Variants in LMOD2 observed in about 807,000 individuals in gnomAD.
The protein encoded by LMOD2 is leiomodin 2, also known as leiomodin-2.
In LMOD2, 27 loss-of-function variants were observed where a neutral mutation model predicts 41.7. That is an observed-to-expected ratio of 0.65 (90% CI 0.48 to 0.89). LMOD2 has a LOEUF of 0.89. Among genes scored for constraint, LMOD2 ranks in the 40% least tolerant of loss-of-function variants. LMOD2 has a pLI of 0.00. For synonymous variants in LMOD2, 251 were observed against 244.6 expected, an observed-to-expected ratio of 1.03 and a Z score of -0.25; for missense variants, 624 against 667.9, an observed-to-expected ratio of 0.93 and a Z score of 0.72.
chr7:123,656,340 T>G, intron 1 of LMOD2, 104 bp downstream of exon 1: 2 of 1,261,276 alleles, frequency 1.6e-6, no homozygotes, highest in Non-Finnish European at 2.2e-6. Context: ...TCACTTGAAT[T>G]TTCCTATAAC....
At position 123,656,179 on chromosome 7, in the gene LMOD2, T is replaced by C; in HGVS notation, c.216T>C (p.Tyr72=). The C allele has an allele frequency of 3.1e-6, 5 of 1,610,154 alleles. No homozygotes were observed. The South Asian group carries it at 5.6e-5, about 18-fold the overall frequency. ...TCAGCAGAGAGGCACTGATGGCCTA[T>C]TGGGAAAAGGAGTCCCAAAAACTCT... is the stretch of plus-strand genomic sequence containing the variant. The part of the protein sequence containing the change: ...GTFSREALMA[Y]WEKESQKLLE... Residue 72 remains tyrosine, a synonymous_variant, in exon 1 of 3, where the codon TAT becomes TAC. Transcript: ENST00000458573.
At chr7:123,659,874 T>C (rs879835010) in intron 1 of LMOD2, among the ~76,000 whole-genome samples, 3 of 152,180 alleles carry the variant, frequency 2.0e-5, no homozygotes, top group Non-Finnish European at 4.4e-5. Flanking sequence ...TCAGATATTA[T>C]CTGTCCAGGT....
At position 123,662,725 on chromosome 7, in the gene LMOD2, G is replaced by A; in HGVS notation, c.1139G>A (p.Trp380Ter). 6.2e-7 allele frequency: 1 copy of A among 1,613,952 alleles called. No homozygotes were observed. The highest frequency in any genetic ancestry group is 1.7e-5 in the Admixed American group (1 of 60,018). Residue 380 changes from tryptophan (W) to a stop codon, truncating the protein, a stop_gained, in exon 2 of 3, where the codon TGG becomes TAG. Transcript: ENST00000458573. LOFTEE classifies it high-confidence loss of function. This position sits in a 1 kb window ranked among gnomAD's most constrained non-coding sequence, Gnocchi z 4.0. ...GGACCCAATCTTAGGACCAAAGTCT[G>A]GCAAAGAGGAACACCTAGCTCTTCA... ...DGGPNLRTKVWQRGTPSSSPY... is the reference protein window; with the variant it reads ...DGGPNLRTKV
chr7:123,663,614 C>T, intron 2 of LMOD2, 105 bp from the exon 3 acceptor site: 1 of 913,186 alleles, frequency 1.1e-6, no homozygotes, highest in Non-Finnish European at 1.7e-6. Context: ...CAGCAATAAT[C>T]AACCTGAGTT....
chr7:123,656,358 T>A (rs1264499512), intron 1 of LMOD2, 122 bp downstream of exon 1: 1 of 990,614 alleles, frequency 1.0e-6, no homozygotes, highest in African/African-American at 1.6e-5. Context: ...AACCCATTTA[T>A]ACTTGCTACT....
intron 1 of LMOD2, among the ~76,000 whole-genome samples, chr7:123,656,868 T>A (rs571457780): frequency 6.6e-6 from 1 of 152,232 alleles, no homozygotes; most frequent in South Asian, 2.1e-4. Flanking sequence ...AGAGACAGTG[T>A]TTCTTTTGCG....
rs773198311 is a variant in LMOD2, at chr7:123,662,555, G to GGA, written c.972_973dup (p.Asn325ArgfsTer6). 119 of 1,613,708 alleles carry GGA rather than the reference G, an allele frequency of 7.4e-5. No individual in the cohort carries two copies. Among genetic ancestry groups the GGA allele is most frequent in the Non-Finnish European group, 8.8e-5 (104 of 1,179,860 alleles). ...AAATGGAGATTGTCAAGCTGCTGAA[G>GGA]GAGAACACGACGCTGCTGAGGCTGG... On this transcript the variant is annotated frameshift_variant, in exon 2 of 3. Transcript: ENST00000458573. LOFTEE classifies it high-confidence loss of function. The surrounding 1 kb of genome is among the most constrained non-coding windows in gnomAD (Gnocchi z 4.0).
chr7:123,658,089 A>G (rs1802818214), intron 1 of LMOD2, among the ~76,000 whole-genome samples: 1 of 152,014 alleles, frequency 6.6e-6, no homozygotes, highest in Admixed American at 6.6e-5. Context: ...TAATGTCACA[A>G]TGACATGATA....
chr7:123,656,115 G>T lies in LMOD2; in HGVS notation c.152G>T (p.Arg51Met). The change falls in exon 1 of 3, where the codon AGG becomes ATG. Residue 51 changes from arginine to methionine, a missense_variant. Arg to Met is a moderately conservative substitution (Grantham distance 91). Transcript: ENST00000458573. The part of the protein sequence containing the change: ...EPDRNLPVGL[R>M]QKSLTEKTPT... The stretch of plus-strand genomic sequence containing the variant: ...GACCGCAACCTTCCCGTGGGGCTAA[G>T]GCAAAAGAGCCTGACAGAGAAAACC... The T allele has an allele frequency of 6.2e-7, 1 of 1,611,090 alleles. No individual in the cohort carries two copies. The highest frequency in any genetic ancestry group is 2.2e-5 in the East Asian group (1 of 44,752).
chr7:123,659,660 G>C (rs1802842919), intron 1 of LMOD2, among the ~76,000 whole-genome samples: 1 of 152,184 alleles, frequency 6.6e-6, no homozygotes, highest in South Asian at 2.1e-4. Flanking sequence ...CACTGTGCTA[G>C]GTGAGCAAAG....
intron 1 of LMOD2, among the ~76,000 whole-genome samples, chr7:123,659,626 A>G (rs764100067): frequency 6.6e-6 from 1 of 152,178 alleles, no homozygotes; most frequent in Non-Finnish European, 1.5e-5. Context: ...GCAAATAATT[A>G]TTGAGCTCCT....
chr7:123,663,444 T>C, intron 2 of LMOD2: 2 of 607,038 alleles, frequency 3.3e-6, no homozygotes, highest in Non-Finnish European at 5.7e-6. Context: ...GCAAGGACCA[T>C]TTTCATACAC....
intron 1 of LMOD2, 67 bp from the exon 2 acceptor site, chr7:123,661,793 A>T: frequency 9.3e-7 from 1 of 1,076,500 alleles, no homozygotes; most frequent in Non-Finnish European, 1.3e-6. Context: ...TACTTTTGCA[A>T]GTTAAAAAAT....
At position 123,662,053 on chromosome 7, in the gene LMOD2, T is replaced by C. The variant is rs1802884182; in HGVS notation, c.467T>C (p.Val156Ala). ...GINGTVNYDS[V>A]NSDNSKPKIF... ...AATGGAACTGTAAATTATGATAGTGTCAATTCTGACAACTCTAAGCCAAAG... is the reference window on the plus strand; with the variant it reads ...AATGGAACTGTAAATTATGATAGTGCCAATTCTGACAACTCTAAGCCAAAG... Residue 156 changes from valine (V) to alanine (A), a missense_variant, in exon 2 of 3, where the codon GTC (valine) becomes GCC (alanine). Val to Ala is a moderately conservative substitution (Grantham distance 64). Transcript: ENST00000458573. This position sits in a 1 kb window ranked among gnomAD's most constrained non-coding sequence, Gnocchi z 4.0. The C allele has an allele frequency of 2.5e-6, 4 of 1,595,792 alleles. No individual in the cohort carries two copies. The South Asian group carries it at 3.4e-5, about 14-fold the overall frequency.
In LMOD2 at chr7:123,662,343, G is replaced by C; in HGVS notation, c.757G>C (p.Asp253His). ...GTTCAGTCTGGCCAACACGCATGCCGACGACAGTGCAGCCATGGCCATTGC... is the reference window on the plus strand; with the variant it reads ...GTTCAGTCTGGCCAACACGCATGCCCACGACAGTGCAGCCATGGCCATTGC... Reference protein sequence around the residue: ...KTFSLANTHADDSAAMAIAEM... With the variant: ...KTFSLANTHAHDSAAMAIAEM... The change falls in exon 2 of 3, where the codon GAC becomes CAC. Residue 253 changes from aspartate to histidine, a missense_variant. Physicochemically the swap from Asp to His is moderately conservative, Grantham distance 81. Transcript: ENST00000458573. This position sits in a 1 kb window ranked among gnomAD's most constrained non-coding sequence, Gnocchi z 4.0. 1 of 1,613,966 alleles carries C rather than the reference G, an allele frequency of 6.2e-7. No individual in the cohort carries two copies.
rs188897313 is a variant in LMOD2 at position 123,655,983 on chromosome 7, G to A, written c.20G>A (p.Arg7Gln). MSTFGY[R>Q]RGLSKYESID... The stretch of plus-strand genomic sequence containing the variant: ...GGGACCATGTCTACCTTTGGCTACC[G>A]AAGAGGACTCAGTAAATACGAATCC... The change falls in exon 1 of 3, where the codon CGA becomes CAA. Residue 7 changes from arginine (R) to glutamine (Q), a missense_variant. Coordinates refer to ENST00000458573, the MANE Select transcript of LMOD2 (RefSeq NM_207163.3). 77 of 1,607,566 alleles carry A rather than the reference G, an allele frequency of 4.8e-5. No individual in the cohort carries two copies. In the East Asian group the frequency reaches 8.3e-4, roughly 17 times the overall value.
intron 1 of LMOD2, among the ~76,000 whole-genome samples, chr7:123,657,991 T>TAAAAAA (rs10693592): frequency 1.4e-4 from 13 of 90,564 alleles, no homozygotes; most frequent in East Asian, 3.3e-4. Context: ...CTTGTCTCAT[T>TAAAAAA]AAAAAAAAAA....
chr7:123,661,882 G>C lies in LMOD2; in HGVS notation c.296G>C (p.Ser99Thr), dbSNP rs1415791963. Residue 99 changes from serine (S) to threonine (T), a missense_variant, in exon 2 of 3, where the codon AGT (serine) becomes ACT (threonine). Physicochemically the swap from Ser to Thr is moderately conservative, Grantham distance 58 (BLOSUM62 1). Transcript: ENST00000458573. ...CGKVAEDKEE[S>T]EEELIFTESN... ...TAGGTTGCAGAAGACAAAGAGGAAA[G>C]TGAAGAAGAGCTTATCTTTACTGAA... The C allele has an allele frequency of 3.3e-6, 5 of 1,532,368 alleles. No homozygotes were observed. Among genetic ancestry groups the C allele is most frequent in the Non-Finnish European group, 4.4e-6 (5 of 1,138,930 alleles). 94.9% of individuals were successfully genotyped at this position (1,532,368 alleles called of 1,614,324 possible).
intron 1 of LMOD2, among the ~76,000 whole-genome samples, chr7:123,656,748 C>T (rs113342507): frequency 0.03 from 4,491 of 152,232 alleles, 98 homozygotes; most frequent in Admixed American, 0.042. Flanking sequence ...AAGTACATGA[C>T]ACTGAGAGTC....
Sources: gnomAD v4.1 joint callset for allele counts (sites outside exome capture counted in the v4.1 genomes callset) on GRCh38, gnomAD v4.1.1 for gene constraint, Gnocchi (gnomAD v3.1) non-coding constraint, MANE v1.5 for transcripts, NCBI Gene and HGNC (gene_info 2026-07-23, HGNC 2026-07-21) for gene names.